The following DNER variants were observed in gnomAD, a reference collection of about 807,000 sequenced individuals.
DNER encodes the protein delta/notch like EGF repeat containing, also known as delta and Notch-like epidermal growth factor-related receptor.
In DNER, 33 loss-of-function variants were observed where a neutral mutation model predicts 78.2. That is an observed-to-expected ratio of 0.42 (90% CI 0.32 to 0.56). The LOEUF (loss-of-function observed/expected upper bound fraction) is 0.56. Among genes scored for constraint, DNER ranks in the 20% least tolerant of loss-of-function variants. The probability of loss-of-function intolerance (pLI) is 0.11; values close to 1 mark genes in which losing one functional copy is unlikely to be tolerated. For synonymous variants in DNER, 417 were observed against 384.8 expected, an observed-to-expected ratio of 1.08 and a Z score of -0.98; for missense variants, 918 against 975.3, an observed-to-expected ratio of 0.94 and a Z score of 0.78.
intron 5 of DNER, among the ~76,000 whole-genome samples, chr2:229,534,497 T>C (rs893224863): frequency 5.3e-5 from 8 of 152,262 alleles, no homozygotes; most frequent in Admixed American, 3.9e-4. Flanking sequence ...ATCTTTCACA[T>C]GTCAAATTTT....
chr2:229,558,756 G>C (rs1696900533), intron 4 of DNER, among the ~76,000 whole-genome samples: 2 of 152,112 alleles, frequency 1.3e-5, no homozygotes, highest in Non-Finnish European at 2.9e-5. Flanking sequence ...CGAGGTCAAG[G>C]TAGGAGGTAG....
At chr2:229,371,318 T>G (rs1295902568) in intron 11 of DNER, among the ~76,000 whole-genome samples, 4 of 152,184 alleles carry the variant, frequency 2.6e-5, no homozygotes, top group African/African-American at 9.6e-5. Context: ...CTTTGCTGCA[T>G]CCCAGGAGTC....
intron 7 of DNER, among the ~76,000 whole-genome samples, chr2:229,475,454 C>T (rs1482350031): frequency 6.6e-6 from 1 of 152,206 alleles, no homozygotes; most frequent in African/African-American, 2.4e-5. Context: ...GGAGTCTCTC[C>T]CAGCTCTCCA....
chr2:229,494,059 G>A (rs1213185653), intron 6 of DNER, among the ~76,000 whole-genome samples: 1 of 152,170 alleles, frequency 6.6e-6, no homozygotes, highest in African/African-American at 2.4e-5. Flanking sequence ...GAATTGAATA[G>A]TATGATATTA....
At chr2:229,684,251 A>G (rs1020828624) in intron 1 of DNER, among the ~76,000 whole-genome samples, 2 of 149,958 alleles carry the variant, frequency 1.3e-5, no homozygotes, top group Non-Finnish European at 3.0e-5. Flanking sequence ...AGGGCTTCCA[A>G]TAGGAGGTGA....
intron 1 of DNER, among the ~76,000 whole-genome samples, chr2:229,705,994 T>C (rs1238815656): frequency 1.3e-5 from 2 of 152,052 alleles, no homozygotes; most frequent in South Asian, 2.1e-4. Flanking sequence ...AAAGTTCAGA[T>C]CTATCCAGGA....
At chr2:229,475,293 A>G (rs1309750365) in intron 7 of DNER, among the ~76,000 whole-genome samples, 1 of 152,186 alleles carries the variant, frequency 6.6e-6, no homozygotes, top group Non-Finnish European at 1.5e-5. Context: ...TAGGATGAAG[A>G]TGAAAGGCCT....
chr2:229,492,669 CTTAT>C (rs1277716339), intron 6 of DNER, among the ~76,000 whole-genome samples: 1 of 151,436 alleles, frequency 6.6e-6, no homozygotes, highest in Non-Finnish European at 1.5e-5. Flanking sequence ...TCATTTTTTA[CTTAT>C]TTATTTATTT....
At chr2:229,505,320 G>GAAACCTTCTTAAGGAA (rs1695716218) in intron 6 of DNER, among the ~76,000 whole-genome samples, 1 of 152,022 alleles carries the variant, frequency 6.6e-6, no homozygotes, top group Non-Finnish European at 1.5e-5. Context: ...TGGCAAAGAA[G>GAAACCTTCTTAAGGAA]AAACCTTCTT....
intron 7 of DNER, among the ~76,000 whole-genome samples, chr2:229,467,492 T>C (rs2154211042): frequency 6.6e-6 from 1 of 152,340 alleles, no homozygotes; most frequent in East Asian, 1.9e-4. Context: ...TCTCTCTGTA[T>C]GTCCCCTGCC....
In DNER at chr2:229,361,952, C is replaced by G. The variant is rs147456390; in HGVS notation, c.2103-3301G>C. ...CACTTAGTGTTCATAGTAACATGTTCCCACCTGAAGTAGCTCATGGCCCAC... is the reference window on the plus strand; with the variant it reads ...CACTTAGTGTTCATAGTAACATGTTGCCACCTGAAGTAGCTCATGGCCCAC... On this transcript the variant is annotated intron_variant, in intron 12 of 12. Transcript: ENST00000341772. 2.7e-3 allele frequency among the ~76,000 whole-genome samples: 416 copies of G among 152,174 alleles called. 3 individuals are homozygous for G. The highest frequency in any genetic ancestry group is 9.7e-3 in the African/African-American group (403 of 41,518).
At chr2:229,635,796 C>T (rs1698521588) in intron 1 of DNER, among the ~76,000 whole-genome samples, 1 of 152,094 alleles carries the variant, frequency 6.6e-6, no homozygotes, top group South Asian at 2.1e-4. Flanking sequence ...ACAACATTTA[C>T]CATGTACTGG....
chr2:229,617,384 G>A lies in DNER; in HGVS notation c.277-25496C>T, dbSNP rs375571271. Among the ~76,000 whole-genome samples, 43 of 152,196 alleles carry A rather than the reference G, an allele frequency of 2.8e-4. No homozygotes were observed. In the East Asian group the frequency reaches 6.9e-3, roughly 25 times the overall value. On this transcript the variant is annotated intron_variant, in intron 1 of 12. Coordinates refer to ENST00000341772, the MANE Select transcript of DNER (RefSeq NM_139072.4). ...CACCTGTGACTATTATACCAAATATGTTCCTTATAATTTAGACAATGAAAT... is the reference window on the plus strand; with the variant it reads ...CACCTGTGACTATTATACCAAATATATTCCTTATAATTTAGACAATGAAAT...
At chr2:229,664,369 A>G (rs1699056026) in intron 1 of DNER, among the ~76,000 whole-genome samples, 1 of 152,144 alleles carries the variant, frequency 6.6e-6, no homozygotes, top group African/African-American at 2.4e-5. Context: ...CCAGCTGGGC[A>G]CGGTGGCTCA....
chr2:229,637,354 C>T (rs375572552), intron 1 of DNER, among the ~76,000 whole-genome samples: 7 of 152,156 alleles, frequency 4.6e-5, no homozygotes, highest in African/African-American at 1.4e-4. Context: ...TTAGTCTTTA[C>T]TCTTGGTCCA....
intron 1 of DNER, among the ~76,000 whole-genome samples, chr2:229,621,882 G>A (rs1165442154): frequency 1.3e-5 from 2 of 152,080 alleles, no homozygotes; most frequent in Non-Finnish European, 2.9e-5. Context: ...TCAGGAAATC[G>A]AGACCAACCT....
intron 9 of DNER, among the ~76,000 whole-genome samples, chr2:229,408,077 A>C (rs551091434): frequency 6.6e-6 from 1 of 152,256 alleles, no homozygotes; most frequent in Admixed American, 6.5e-5. Flanking sequence ...TATGGAGCTC[A>C]GCACTCGTTT....
At chr2:229,393,190 G>A (rs1199376516) in intron 10 of DNER, among the ~76,000 whole-genome samples, 2 of 152,188 alleles carry the variant, frequency 1.3e-5, no homozygotes, top group East Asian at 3.9e-4. Flanking sequence ...CACTCTGGGA[G>A]TCTGAGGCGG....
chr2:229,583,785 T>C (rs1365157691), intron 4 of DNER, among the ~76,000 whole-genome samples: 4 of 152,180 alleles, frequency 2.6e-5, no homozygotes, highest in Admixed American at 6.5e-5. Context: ...GGGAGTGAAA[T>C]TCAGATTTGA....
Sources: gnomAD v4.1 joint callset for allele counts (sites outside exome capture counted in the v4.1 genomes callset) on GRCh38, gnomAD v4.1.1 for gene constraint, MANE v1.5 for transcripts, NCBI Gene and HGNC (gene_info 2026-07-23, HGNC 2026-07-21) for gene names.